Variants in LINGO2 observed in about 807,000 individuals in gnomAD.
LINGO2 encodes leucine rich repeat and Ig domain containing 2.
A neutral mutation model predicts 30.6 loss-of-function variants in LINGO2; 14 were observed. That is an observed-to-expected ratio of 0.46 (90% CI 0.30 to 0.72). LINGO2 has a LOEUF of 0.72. Among genes scored for constraint, LINGO2 ranks in the 30% least tolerant of loss-of-function variants. The pLI, the probability that LINGO2 is intolerant of heterozygous loss-of-function variation, is 0.07. For missense variants in LINGO2, 729 were observed against 751.7 expected (o/e 0.97, Z 0.35); for synonymous variants, 317 against 288.5 (o/e 1.10, Z -1.00).
chr9:27,992,614 T>G (rs1370119017), intron 5 of LINGO2, among the ~76,000 whole-genome samples: 1 of 152,164 alleles, frequency 6.6e-6, no homozygotes, highest in African/African-American at 2.4e-5. Context: ...AATTTAATAA[T>G]ATAAAGTGAA....
At chr9:28,699,691 G>A in the LINGO2 span, among the ~76,000 whole-genome samples, 18 of 151,816 alleles carry the variant, frequency 1.2e-4, no homozygotes, top group Admixed American at 4.6e-4. Context: ...GGAAGATATT[G>A]CTAAATTCTT....
intron 1 of LINGO2, among the ~76,000 whole-genome samples, chr9:28,586,525 G>T (rs183929351): frequency 2.6e-5 from 4 of 152,094 alleles, no homozygotes; most frequent in Admixed American, 2.0e-4. Context: ...GCATTATCAT[G>T]AATGTATAAG....
the LINGO2 span, among the ~76,000 whole-genome samples, chr9:29,089,197 T>A: frequency 6.6e-6 from 1 of 151,624 alleles, no homozygotes; most frequent in African/African-American, 2.4e-5. Context: ...GCTTTATTTA[T>A]ATTTTTAATA....
chr9:28,211,047 T>C (rs1272053174), intron 4 of LINGO2, among the ~76,000 whole-genome samples: 2 of 151,496 alleles, frequency 1.3e-5, no homozygotes, highest in Non-Finnish European at 3.0e-5. Flanking sequence ...AAAATGCAAA[T>C]TTCATAAGCA....
At chr9:27,992,041 A>G (rs1304181556) in intron 5 of LINGO2, among the ~76,000 whole-genome samples, 4 of 152,022 alleles carry the variant, frequency 2.6e-5, no homozygotes, top group Non-Finnish European at 4.4e-5. Flanking sequence ...TACTCTGGGT[A>G]TTCGGACGCA....
chr9:28,611,896 C>T (rs1235654725), intron 1 of LINGO2, among the ~76,000 whole-genome samples: 1 of 151,950 alleles, frequency 6.6e-6, no homozygotes, highest in Non-Finnish European at 1.5e-5. Flanking sequence ...TCTCAGCTCA[C>T]TGCAAGCTCC....
chr9:28,207,044 G>A (rs913350458), intron 4 of LINGO2, among the ~76,000 whole-genome samples: 2 of 152,086 alleles, frequency 1.3e-5, no homozygotes, highest in African/African-American at 4.8e-5. Flanking sequence ...GTATGAAACA[G>A]TTTTAAAAAT....
chr9:28,756,734 G>C, the LINGO2 span, among the ~76,000 whole-genome samples: 1 of 151,968 alleles, frequency 6.6e-6, no homozygotes, highest in East Asian at 1.9e-4. Flanking sequence ...AGTGTTGTTT[G>C]ACAGTTCCCC....
the LINGO2 span, among the ~76,000 whole-genome samples, chr9:29,155,843 C>T: frequency 1.3e-5 from 2 of 151,856 alleles, no homozygotes; most frequent in Admixed American, 1.3e-4. Flanking sequence ...AGTGCCATCT[C>T]AAGAAAGCTA....
chr9:27,958,013 A>G (rs1432413150), intron 5 of LINGO2, among the ~76,000 whole-genome samples: 1 of 152,198 alleles, frequency 6.6e-6, no homozygotes, highest in Non-Finnish European at 1.5e-5. Context: ...GCTGAGAGCT[A>G]TCTTCCTTCC....
At chr9:28,797,600 T>C in the LINGO2 span, among the ~76,000 whole-genome samples, 2 of 151,984 alleles carry the variant, frequency 1.3e-5, no homozygotes, top group Non-Finnish European at 2.9e-5. Context: ...TTAATTAACA[T>C]ATAAAATGCT....
chr9:28,285,174 G>T (rs1212562344), intron 4 of LINGO2, among the ~76,000 whole-genome samples: 1 of 152,076 alleles, frequency 6.6e-6, no homozygotes, highest in African/African-American at 2.4e-5. Context: ...TTAAACAAAT[G>T]AACTTCTAGG....
At chr9:28,972,429 T>C in the LINGO2 span, among the ~76,000 whole-genome samples, 67 of 152,290 alleles carry the variant, frequency 4.4e-4, no homozygotes, top group African/African-American at 1.6e-3. Flanking sequence ...GAATTCAGAA[T>C]TCTATGAGCT....
intron 4 of LINGO2, among the ~76,000 whole-genome samples, chr9:28,110,683 G>A (rs1286814582): frequency 6.6e-6 from 1 of 152,122 alleles, no homozygotes; most frequent in Non-Finnish European, 1.5e-5. Flanking sequence ...AAAACACAAT[G>A]AGATACCATC....
chr9:28,717,060 T>A, the LINGO2 span, among the ~76,000 whole-genome samples: 6 of 151,202 alleles, frequency 4.0e-5, no homozygotes, highest in African/African-American at 1.5e-4. Context: ...GAGACAGCAA[T>A]TTTTTTTTCC....
intron 4 of LINGO2, among the ~76,000 whole-genome samples, chr9:28,044,943 G>C (rs922126808): frequency 6.6e-6 from 1 of 152,204 alleles, no homozygotes; most frequent in African/African-American, 2.4e-5. Context: ...AACTGATAAA[G>C]ATGGTTAGAC....
chr9:28,693,061 C>A, the LINGO2 span, among the ~76,000 whole-genome samples: 1 of 151,768 alleles, frequency 6.6e-6, no homozygotes, highest in Non-Finnish European at 1.5e-5. Context: ...CAGTTATCAC[C>A]TTGTCATTTT....
chr9:28,011,938 C>G (rs1822576059), intron 5 of LINGO2, among the ~76,000 whole-genome samples: 1 of 150,762 alleles, frequency 6.6e-6, no homozygotes, highest in Non-Finnish European at 1.5e-5. Context: ...CTGTTAACCC[C>G]AAGCCTCTGA....
chr9:28,233,124 G>T (rs1191191115), intron 4 of LINGO2, among the ~76,000 whole-genome samples: 1 of 147,062 alleles, frequency 6.8e-6, no homozygotes, highest in Non-Finnish European at 1.5e-5. Context: ...GTCTATGTGT[G>T]TGTGTATGTG....
Sources: gnomAD v4.1 joint callset for allele counts (sites outside exome capture counted in the v4.1 genomes callset) on GRCh38, gnomAD v4.1.1 for gene constraint, MANE v1.5 for transcripts, NCBI Gene and HGNC (gene_info 2026-07-23, HGNC 2026-07-21) for gene names.